Variants in MLXIP observed in about 807,000 individuals in gnomAD.
MLXIP encodes MLX-interacting protein.
Under a neutral mutation model 87.2 loss-of-function variants are expected in MLXIP, and 30 were observed. The ratio of observed to expected loss-of-function variants is 0.34; its 90% CI spans 0.26 to 0.47. The LOEUF is 0.47. Ranked by LOEUF, MLXIP falls within the 20% of genes least tolerant of loss-of-function variation. The pLI is 1.00. For synonymous variants in MLXIP, 530 were observed against 514.0 expected, an observed-to-expected ratio of 1.03 and a Z score of -0.42; for missense variants, 1,002 against 1,240.1, an observed-to-expected ratio of 0.81 and a Z score of 2.88.
At chr12:122,104,107 C>T (rs1952482897) in intron 1 of MLXIP, among the ~76,000 whole-genome samples, 1 of 152,182 alleles carries the variant, frequency 6.6e-6, no homozygotes, top group African/African-American at 2.4e-5. Flanking sequence ...CTTACATTAT[C>T]CCCAACCCTT....
chr12:122,118,677 GTC>G (rs1458097952), intron 1 of MLXIP, among the ~76,000 whole-genome samples: 1 of 151,958 alleles, frequency 6.6e-6, no homozygotes, highest in Non-Finnish European at 1.5e-5. Flanking sequence ...GTGAAACCCT[GTC>G]TCTACTAAAA....
chr12:122,081,592 G>A (rs1435660052), intron 1 of MLXIP, among the ~76,000 whole-genome samples: 5 of 152,190 alleles, frequency 3.3e-5, no homozygotes, highest in Admixed American at 6.5e-5. Context: ...GGAGGCCGAG[G>A]TGGGGGATTG....
chr12:122,141,202 G>A, intron 16 of MLXIP, 119 bp downstream of exon 16: 1 of 1,407,994 alleles, frequency 7.1e-7, no homozygotes, highest in East Asian at 2.5e-5. Flanking sequence ...GCCGGGGCAG[G>A]GGCACAGTGC....
Position 122,135,419 on chromosome 12 carries a change from T to C in MLXIP, c.1855-70T>C. 6.2e-7 allele frequency: 1 copy of C among 1,601,786 alleles called. No individual in the cohort carries two copies. The highest frequency in any genetic ancestry group is 8.5e-7 in the Non-Finnish European group (1 of 1,173,650). The stretch of plus-strand genomic sequence containing the variant: ...ACTCTGATCTTGGGCGGCCCTCACC[T>C]GAGACGACTGGTGTGCCGCCCTGCT... On this transcript the variant is annotated intron_variant, in intron 10 of 16. Transcript: ENST00000319080. The surrounding 1 kb of genome is among the most constrained non-coding windows in gnomAD (Gnocchi z 5.3).
chr12:122,133,214 A>G lies in MLXIP; in HGVS notation c.1093-134A>G, dbSNP rs1397184248. The G allele has an allele frequency of 2.1e-6, 2 of 960,662 alleles. No homozygotes were observed. The highest frequency in any genetic ancestry group is 3.0e-6 in the Non-Finnish European group (2 of 661,386). The allele number at this position is 960,662 out of a possible 1,614,324, so 59.5% of individuals were successfully genotyped here. On this transcript the variant is annotated intron_variant, in intron 8 of 16. Coordinates refer to ENST00000319080, the MANE Select transcript of MLXIP (RefSeq NM_014938.6). This position sits in a 1 kb window ranked among gnomAD's most constrained non-coding sequence, Gnocchi z 4.9. ...ACAAATCCCTATCAGATCAGCAGCC[A>G]TGGACGTGGAGACGTGGCCTTTGTC...
chr12:122,085,047 C>G (rs1305460444), intron 1 of MLXIP, among the ~76,000 whole-genome samples: 1 of 152,162 alleles, frequency 6.6e-6, no homozygotes, highest in African/African-American at 2.4e-5. Context: ...TATCTGCCCA[C>G]AAAAGCCCGG....
intron 1 of MLXIP, among the ~76,000 whole-genome samples, chr12:122,115,736 T>C (rs1952681055): frequency 6.6e-6 from 1 of 152,016 alleles, no homozygotes; most frequent in Admixed American, 6.6e-5. Flanking sequence ...ACCACTAATA[T>C]TATAATATTG....
rs747802405 is a variant in MLXIP at position 122,143,938 on chromosome 12, A to T, written c.*2126A>T. 6.6e-6 allele frequency: 1 copy of T among 152,630 alleles called. No homozygotes were observed. Among genetic ancestry groups the T allele is most frequent in the African/African-American group, 2.4e-5 (1 of 41,432 alleles). The allele number at this position is 152,630 out of a possible 1,614,324, so 9.5% of individuals were successfully genotyped here. ...CCAGCGACTGTCCACTGTCCAGGAGATGCATGTCTTTGTATTGGAGATATT... is the reference window on the plus strand; with the variant it reads ...CCAGCGACTGTCCACTGTCCAGGAGTTGCATGTCTTTGTATTGGAGATATT... On this transcript the variant is annotated 3_prime_UTR_variant, in exon 17 of 17. Coordinates refer to ENST00000319080, the MANE Select transcript of MLXIP (RefSeq NM_014938.6).
rs776332981 is a variant in MLXIP at position 122,121,009 on chromosome 12, G to GTTTTTTTTT, written c.414-6247_414-6246insTTTTTTTTT. ...TAGCCCCAGAGCCCTCTGCATGCTT[G>GTTTTTTTTT]GTTTTTTTTTTTTTTTTTTGAAACG... is the stretch of plus-strand genomic sequence containing the variant. On this transcript the variant is annotated intron_variant, in intron 1 of 16. Coordinates refer to ENST00000319080, the MANE Select transcript of MLXIP (RefSeq NM_014938.6). Among the ~76,000 whole-genome samples, 589 of 102,092 alleles carry GTTTTTTTTT rather than the reference G, an allele frequency of 5.8e-3. 115 individuals are homozygous for GTTTTTTTTT. The highest frequency in any genetic ancestry group is 7.8e-3 in the African/African-American group (194 of 24,882). 67.0% of individuals were successfully genotyped at this position (102,092 alleles called of 152,430 possible).
intron 1 of MLXIP, among the ~76,000 whole-genome samples, chr12:122,112,362 G>A (rs532794874): frequency 1.1e-4 from 16 of 152,182 alleles, no homozygotes; most frequent in Non-Finnish European, 2.1e-4. Flanking sequence ...GTACAGGCCG[G>A]GCGTGGTGGC....
intron 1 of MLXIP, 40 bp from the exon 2 acceptor site, chr12:122,127,216 G>C: frequency 6.7e-7 from 1 of 1,498,118 alleles, no homozygotes; most frequent in Non-Finnish European, 9.3e-7. Flanking sequence ...TTCAATTTCA[G>C]AGTAACCACT....
rs769141719 is a variant in MLXIP, at chr12:122,141,019, G to C, written c.2574G>C (p.Glu858Asp). Residue 858 changes from glutamate (E) to aspartate (D), a missense_variant, in exon 16 of 17, where the codon GAG becomes GAC. Around this residue, in one of 3 missense-constraint regions of MLXIP, gnomAD observed 746 missense variants for 897.0 expected, o/e 0.83. Coordinates refer to ENST00000319080, the MANE Select transcript of MLXIP (RefSeq NM_014938.6). ...GCATGGTGTCCACCAGCAGCCTGGA[G>C]GAGCTGCACCGGACGGCGCTCTCCT... ...FKGMVSTSSL[E>D]ELHRTALSWL... The C allele has an allele frequency of 4.3e-6, 7 of 1,613,858 alleles. No homozygotes were observed.
chr12:122,126,397 G>T (rs1052890130), intron 1 of MLXIP, among the ~76,000 whole-genome samples: 2 of 152,206 alleles, frequency 1.3e-5, no homozygotes, highest in African/African-American at 4.8e-5. Flanking sequence ...GGCCCTGAAG[G>T]AATCAGCAGC....
Position 122,135,115 on chromosome 12 carries a change from C to T in MLXIP, c.1733-109C>T, listed in dbSNP as rs973806206. 8.6e-6 allele frequency: 12 copies of T among 1,393,226 alleles called. No individual in the cohort carries two copies. Among genetic ancestry groups the T allele is most frequent in the Non-Finnish European group, 1.2e-5 (12 of 1,006,304 alleles). 86.3% of individuals were successfully genotyped at this position (1,393,226 alleles called of 1,614,324 possible). On this transcript the variant is annotated intron_variant, in intron 9 of 16. Transcript: ENST00000319080. The surrounding 1 kb of genome is among the most constrained non-coding windows in gnomAD (Gnocchi z 5.3). ...TGCCTTGGTGGCTTTGTCTTCCTGT[C>T]CCCTGGGGTTGAGAACAAGCTGTCT...
rs1565986862 is a variant in MLXIP, at chr12:122,135,458, CA to C, written c.1855-30del. The C allele has an allele frequency of 1.2e-6, 2 of 1,608,718 alleles. No homozygotes were observed. The highest frequency in any genetic ancestry group is 2.7e-5 in the African/African-American group (2 of 74,986). On this transcript the variant is annotated intron_variant, in intron 10 of 16. Transcript: ENST00000319080. The surrounding 1 kb of genome is among the most constrained non-coding windows in gnomAD (Gnocchi z 5.3). The stretch of plus-strand genomic sequence containing the variant: ...TGCCGCCCTGCTGTATATCAGCAGT[CA>C]GGGGTGACCTGTCTCCCATGTCACT...
At chr12:122,091,861 C>T (rs1479841484) in intron 1 of MLXIP, among the ~76,000 whole-genome samples, 1 of 152,020 alleles carries the variant, frequency 6.6e-6, no homozygotes, top group Non-Finnish European at 1.5e-5. Context: ...GGAATGTGAG[C>T]CTAGTGTTAT....
At position 122,079,175 on chromosome 12, in the gene MLXIP, C is replaced by T; in HGVS notation, c.322C>T (p.Gln108Ter). The change falls in exon 1 of 17, where the codon CAG becomes TAG. Residue 108 changes from glutamine to a stop codon, truncating the protein, a stop_gained. Coordinates refer to ENST00000319080, the MANE Select transcript of MLXIP (RefSeq NM_014938.6). LOFTEE classifies it high-confidence loss of function. ...DFDTVNKQTC[Q>*]TYSFGKTSSC... Reference sequence around the variant, plus strand: ...CGACACGGTCAACAAACAGACGTGCCAGACCTACAGCTTCGGCAAGACTAG... The same window carrying T: ...CGACACGGTCAACAAACAGACGTGCTAGACCTACAGCTTCGGCAAGACTAG... 1 of 1,551,376 alleles carries T rather than the reference C, an allele frequency of 6.4e-7. No homozygotes were observed. The highest frequency in any genetic ancestry group is 8.7e-7 in the Non-Finnish European group (1 of 1,146,882).
intron 1 of MLXIP, among the ~76,000 whole-genome samples, chr12:122,093,876 TTGG>T (rs1952294817): frequency 7.4e-6 from 1 of 134,584 alleles, no homozygotes; most frequent in South Asian, 2.5e-4. Flanking sequence ...GTGGGGTGTG[TTGG>T]TGTGTGTTGG....
Position 122,138,946 on chromosome 12 carries a change from T to C in MLXIP, c.2508+8T>C. The C allele has an allele frequency of 6.2e-7, 1 of 1,613,932 alleles. No homozygotes were observed. Among genetic ancestry groups the C allele is most frequent in the Non-Finnish European group, 8.5e-7 (1 of 1,179,800 alleles). ...AATTGGAAGTTCTGGATTGTATCTT[T>C]GGGTTTTCTTTTTGCTCTTCCCGGC... On this transcript the variant is annotated splice_region_variant and intron_variant, in intron 15 of 16. Transcript: ENST00000319080.
Sources: gnomAD v4.1 joint callset for allele counts (sites outside exome capture counted in the v4.1 genomes callset) on GRCh38, gnomAD v4.1.1 for gene constraint, gnomAD v4.1.1 regional missense constraint, Gnocchi (gnomAD v3.1) non-coding constraint, MANE v1.5 for transcripts, NCBI Gene and HGNC (gene_info 2026-07-23, HGNC 2026-07-21) for gene names.